SLIT3: variants seen among roughly 807,000 people sequenced by gnomAD.
The protein encoded by SLIT3 is slit homolog 3 protein.
SLIT3 carries 68 observed loss-of-function variants against 184.0 expected under a neutral mutation model. That is an observed-to-expected ratio of 0.37 (90% CI 0.30 to 0.45). SLIT3 has a LOEUF of 0.45. Among genes scored for constraint, SLIT3 ranks in the 20% least tolerant of loss-of-function variants. The probability of loss-of-function intolerance (pLI) is 1.00; values close to 1 mark genes in which losing one functional copy is unlikely to be tolerated. For missense variants in SLIT3, 1,707 were observed against 2,026.0 expected (o/e 0.84, Z 3.02); for synonymous variants, 831 against 828.6 (o/e 1.00, Z -0.05).
At chr5:169,243,166 A>G (rs1488606912) in intron 3 of SLIT3, among the ~76,000 whole-genome samples, 3 of 152,210 alleles carry the variant, frequency 2.0e-5, no homozygotes, top group Non-Finnish European at 4.4e-5. Context: ...AGTTCCTGGC[A>G]TGTCCAAGGT....
chr5:169,002,562 T>A (rs901644279), intron 4 of SLIT3, among the ~76,000 whole-genome samples: 2 of 151,834 alleles, frequency 1.3e-5, no homozygotes, highest in Non-Finnish European at 2.9e-5. Context: ...CATTGTGTAG[T>A]CTAGAGCAGG....
chr5:169,076,491 CT>C (rs1475654641), intron 4 of SLIT3, among the ~76,000 whole-genome samples: 2 of 152,212 alleles, frequency 1.3e-5, no homozygotes, highest in Non-Finnish European at 2.9e-5. Context: ...TCATTTCTCT[CT>C]CCTTTCCCCC....
rs577638484 is a variant in SLIT3 at position 168,951,609 on chromosome 5, G to C, written c.414-68273C>G. ...TGGTTACAGCAACAACTGATTCCCAGCTATAAACAATTTTTATTAGTAAGA... is the reference window on the plus strand; with the variant it reads ...TGGTTACAGCAACAACTGATTCCCACCTATAAACAATTTTTATTAGTAAGA... On this transcript the variant is annotated intron_variant, in intron 4 of 35. Transcript: ENST00000519560. Among the ~76,000 whole-genome samples the C allele has an allele frequency of 2.2e-3, 329 of 152,266 alleles. 1 individual carries two copies. The highest frequency in any genetic ancestry group is 7.6e-3 in the African/African-American group (316 of 41,546).
chr5:168,804,475 G>T (rs1350097653), intron 9 of SLIT3, among the ~76,000 whole-genome samples: 1 of 152,078 alleles, frequency 6.6e-6, no homozygotes, highest in African/African-American at 2.4e-5. Flanking sequence ...AGTAGGTGAG[G>T]ACTAAGTAGA....
intron 20 of SLIT3, among the ~76,000 whole-genome samples, chr5:168,727,512 C>T (rs968749849): frequency 6.6e-6 from 1 of 152,102 alleles, no homozygotes; most frequent in African/African-American, 2.4e-5. Flanking sequence ...GGGCTGAAGT[C>T]TCATGGGCCT....
At position 168,753,938 on chromosome 5, in the gene SLIT3, C is replaced by T. The variant is rs1271614387; in HGVS notation, c.1755G>A (p.Glu585=). 1.2e-6 allele frequency: 2 copies of T among 1,611,868 alleles called. No individual in the cohort carries two copies. Among genetic ancestry groups the T allele is most frequent in the Non-Finnish European group, 1.7e-6 (2 of 1,179,922 alleles). Residue 585 remains glutamate, a synonymous_variant, in exon 17 of 36, where the codon GAG becomes GAA. Coordinates refer to ENST00000519560, the MANE Select transcript of SLIT3 (RefSeq NM_003062.4). ...GAFDGAASVQ[E]LMLTGNQLET... is the part of the protein sequence containing the mutation. ...CCAGCTGGTTCCCTGTCAGCATCAG[C>T]TCCTGCACGCTGGCTGCTCCATCGA...
intron 4 of SLIT3, among the ~76,000 whole-genome samples, chr5:169,059,452 G>C (rs962975769): frequency 6.6e-6 from 1 of 152,142 alleles, no homozygotes; most frequent in Non-Finnish European, 1.5e-5. Flanking sequence ...ACTTTATCCA[G>C]ACATCAAGTC....
chr5:169,286,751 C>A (rs1375224274), intron 1 of SLIT3, among the ~76,000 whole-genome samples: 2 of 152,224 alleles, frequency 1.3e-5, no homozygotes, highest in Non-Finnish European at 2.9e-5. Flanking sequence ...CCCCACACAA[C>A]TACACACAGT....
At chr5:169,198,185 A>C (rs1009985237) in intron 3 of SLIT3, among the ~76,000 whole-genome samples, 1 of 152,246 alleles carries the variant, frequency 6.6e-6, no homozygotes, top group African/African-American at 2.4e-5. Context: ...CCTTCTTTTA[A>C]AAATGTCATA....
intron 4 of SLIT3, among the ~76,000 whole-genome samples, chr5:168,900,182 T>C (rs182342388): frequency 6.6e-6 from 1 of 152,344 alleles, no homozygotes; most frequent in East Asian, 1.9e-4. Context: ...TTATACGTGG[T>C]TGGTGGGAAT....
At chr5:168,680,833 C>T (rs148524982) in intron 32 of SLIT3, among the ~76,000 whole-genome samples, 1 of 152,250 alleles carries the variant, frequency 6.6e-6, no homozygotes, top group Non-Finnish European at 1.5e-5. Context: ...ACACCACCTC[C>T]TCCTCCAAGG....
intron 4 of SLIT3, among the ~76,000 whole-genome samples, chr5:169,190,324 T>C (rs1763510608): frequency 6.6e-6 from 1 of 152,182 alleles, no homozygotes; most frequent in South Asian, 2.1e-4. Context: ...AAGTCCACGG[T>C]TCCAAGGGAG....
chr5:168,868,704 C>T (rs540796336), intron 5 of SLIT3, among the ~76,000 whole-genome samples: 11 of 140,612 alleles, frequency 7.8e-5, no homozygotes, highest in East Asian at 4.1e-4. Flanking sequence ...GCTGAGATCA[C>T]GCCACTGCAC....
chr5:169,077,327 G>C (rs1341695414), intron 4 of SLIT3, among the ~76,000 whole-genome samples: 3 of 152,068 alleles, frequency 2.0e-5, no homozygotes, highest in South Asian at 4.1e-4. Context: ...CACAAGGTCA[G>C]GAGTTCAAGA....
intron 4 of SLIT3, among the ~76,000 whole-genome samples, chr5:169,170,733 T>C (rs895857989): frequency 6.6e-6 from 1 of 151,518 alleles, no homozygotes; most frequent in African/African-American, 2.4e-5. Flanking sequence ...AGTCAGCTCA[T>C]TTTTAAAAAA....
chr5:168,764,040 A>T (rs1755247302), intron 14 of SLIT3, among the ~76,000 whole-genome samples: 1 of 152,220 alleles, frequency 6.6e-6, no homozygotes, highest in African/African-American at 2.4e-5. Flanking sequence ...TTGGCAACTT[A>T]CTAGTCTCAG....
chr5:168,994,252 G>A (rs966025983), intron 4 of SLIT3: 4 of 152,272 alleles, frequency 2.6e-5, no homozygotes, highest in African/African-American at 7.2e-5. Context: ...GATAGGGGAG[G>A]AGCCTCTGCT....
chr5:168,870,134 T>C (rs921847917), intron 5 of SLIT3, among the ~76,000 whole-genome samples: 1 of 152,254 alleles, frequency 6.6e-6, no homozygotes, highest in Non-Finnish European at 1.5e-5. Context: ...GATCTCAGGC[T>C]CTGAAAACCA....
intron 4 of SLIT3, among the ~76,000 whole-genome samples, chr5:169,149,233 A>T (rs759000230): frequency 1.4e-4 from 21 of 152,222 alleles, no homozygotes; most frequent in Non-Finnish European, 2.9e-4. Context: ...TTGATTGCTT[A>T]TAGAAAGGCA....
Sources: allele counts gnomAD v4.1 joint callset (sites outside exome capture counted in the v4.1 genomes callset), GRCh38; gene constraint gnomAD v4.1.1; transcripts MANE v1.5; gene names NCBI Gene and HGNC (gene_info 2026-07-23, HGNC 2026-07-21).